PSKH1: variants seen among roughly 807,000 people sequenced by gnomAD.
PSKH1 encodes protein serine kinase H1, also known as serine/threonine-protein kinase H1.
Under a neutral mutation model 26.7 loss-of-function variants are expected in PSKH1, and 12 were observed. The ratio of observed to expected loss-of-function variants is 0.45; its 90% CI spans 0.29 to 0.73. The LOEUF (loss-of-function observed/expected upper bound fraction) is 0.73, where lower values mean the gene tolerates loss of function less well. Among genes scored for constraint, PSKH1 ranks in the 30% least tolerant of loss-of-function variants. The pLI, the probability that PSKH1 is intolerant of heterozygous loss-of-function variation, is 0.11. For missense variants in PSKH1, 431 were observed against 595.2 expected (o/e 0.72, Z 2.87); for synonymous variants, 213 against 234.3 (o/e 0.91, Z 0.83).
chr16:67,928,721 TGCCCATCGTGCACACCC>T lies in PSKH1; in HGVS notation c.*1080_*1096del, dbSNP rs2058227632. On this transcript the variant is annotated 3_prime_UTR_variant, in exon 3 of 3. Coordinates refer to ENST00000291041, the MANE Select transcript of PSKH1 (RefSeq NM_006742.3). This position sits in a 1 kb window ranked among gnomAD's most constrained non-coding sequence, Gnocchi z 4.8. ...TCACTGCACGCCCATCGTGCACACC[TGCCCATCGTGCACACCC>T]ACCCATGGTGCACACCTGTAGTCCT... The T allele has an allele frequency of 6.6e-6, 1 of 152,214 alleles. No homozygotes were observed. The highest frequency in any genetic ancestry group is 1.5e-5 in the Non-Finnish European group (1 of 68,038). 9.4% of individuals were successfully genotyped at this position (152,214 alleles called of 1,614,324 possible).
intron 2 of PSKH1, among the ~76,000 whole-genome samples, chr16:67,910,379 C>T (rs1436202468): frequency 1.3e-5 from 2 of 152,244 alleles, no homozygotes; most frequent in Admixed American, 1.3e-4. Context: ...CCAAGCTAGA[C>T]TGAACATGCC....
chr16:67,909,081 G>T lies in PSKH1; in HGVS notation c.332G>T (p.Arg111Leu). The change falls in exon 2 of 3, where the codon CGA becomes CTA. Residue 111 changes from arginine (R) to leucine (L), a missense_variant. Coordinates refer to ENST00000291041, the MANE Select transcript of PSKH1 (RefSeq NM_006742.3). This position sits in a 1 kb window ranked among gnomAD's most constrained non-coding sequence, Gnocchi z 7.8. ...KALIGRGSFSRVVRVEHRATR... is the reference protein window; with the variant it reads ...KALIGRGSFSLVVRVEHRATR... Reference sequence around the variant, plus strand: ...CTAATTGGCCGAGGCAGCTTCAGCCGAGTGGTACGTGTAGAGCACCGGGCA... The same window carrying T: ...CTAATTGGCCGAGGCAGCTTCAGCCTAGTGGTACGTGTAGAGCACCGGGCA... 1 of 1,614,188 alleles carries T rather than the reference G, an allele frequency of 6.2e-7. No homozygotes were observed. Among genetic ancestry groups the T allele is most frequent in the Non-Finnish European group, 8.5e-7 (1 of 1,180,032 alleles).
rs1555497976 is a variant in PSKH1 at position 67,893,299 on chromosome 16, G to GGCGGCGGCC, written c.-138_-137insGGCCGCGGC. ...GAATGGCGGCGGCGGCGGCGGCGGC[G>GGCGGCGGCC]GCGGCCGCTGCCATTGCCCGGAGAT... On this transcript the variant is annotated 5_prime_UTR_variant, in exon 1 of 3. Transcript: ENST00000291041. 6.1e-5 allele frequency: 10 copies of GGCGGCGGCC among 163,990 alleles called. No individual in the cohort carries two copies. Among genetic ancestry groups the GGCGGCGGCC allele is most frequent in the Admixed American group, 3.9e-4 (6 of 15,500 alleles). The allele number at this position is 163,990 out of a possible 1,614,324, so 10.2% of individuals were successfully genotyped here.
Position 67,908,953 on chromosome 16 carries a change from T to C in PSKH1, c.204T>C (p.Ala68=), listed in dbSNP as rs1041889325. ...YAHPCPGPPT[A]GHTEPPSEPP... is the part of the protein sequence containing the mutation. The stretch of plus-strand genomic sequence containing the variant: ...ACCCCTGCCCCGGTCCCCCGACTGC[T>C]GGCCACACGGAGCCTCCCTCAGAAC... The change falls in exon 2 of 3, where the codon GCT becomes GCC. Residue 68 remains alanine (A), a synonymous_variant. Coordinates refer to ENST00000291041, the MANE Select transcript of PSKH1 (RefSeq NM_006742.3). The C allele has an allele frequency of 1.2e-6, 2 of 1,613,968 alleles. No individual in the cohort carries two copies. Among genetic ancestry groups the C allele is most frequent in the Admixed American group, 1.7e-5 (1 of 59,996 alleles).
chr16:67,898,954 A>G (rs1307924160), intron 1 of PSKH1, among the ~76,000 whole-genome samples: 1 of 152,150 alleles, frequency 6.6e-6, no homozygotes, highest in Non-Finnish European at 1.5e-5. Flanking sequence ...TCAGTAGAAT[A>G]TAGAGATATT....
At chr16:67,897,202 G>A (rs910390385) in intron 1 of PSKH1, among the ~76,000 whole-genome samples, 4 of 152,158 alleles carry the variant, frequency 2.6e-5, no homozygotes, top group African/African-American at 9.7e-5. Flanking sequence ...TCTTGGCATG[G>A]GGAAAAATTT....
chr16:67,917,363 T>G (rs2058190680), intron 2 of PSKH1, among the ~76,000 whole-genome samples: 1 of 152,256 alleles, frequency 6.6e-6, no homozygotes, highest in Non-Finnish European at 1.5e-5. Context: ...GTTGCTGGTT[T>G]CTTGTTTCAG....
At chr16:67,913,415 T>G (rs1385958042) in intron 2 of PSKH1, among the ~76,000 whole-genome samples, 1 of 152,070 alleles carries the variant, frequency 6.6e-6, no homozygotes, top group Non-Finnish European at 1.5e-5. Context: ...CCCAAAGTGC[T>G]GGGGTTACAG....
In PSKH1 at chr16:67,908,782, G is replaced by T; in HGVS notation, c.33G>T (p.Glu11Asp). The change falls in exon 2 of 3, where the codon GAG becomes GAT. Residue 11 changes from glutamate to aspartate, a missense_variant. Coordinates refer to ENST00000291041, the MANE Select transcript of PSKH1 (RefSeq NM_006742.3). ...GTGGGACAAGCAAGGTCCTTCCCGA[G>T]CCACCCAAGGATGTCCAGCTGGATC... MGCGTSKVLP[E>D]PPKDVQLDLV... 2.5e-6 allele frequency: 4 copies of T among 1,600,646 alleles called. No homozygotes were observed. The highest frequency in any genetic ancestry group is 3.4e-6 in the Non-Finnish European group (4 of 1,170,998).
rs369110023 is a variant in PSKH1 at position 67,909,179 on chromosome 16, C to A, written c.430C>A (p.Leu144Met). The A allele has an allele frequency of 5.0e-6, 8 of 1,614,018 alleles. No individual in the cohort carries two copies. In the African/African-American group the frequency reaches 1.1e-4, roughly 22 times the overall value. ...GGGGCGGGAGGTGTGTGAGTCGGAG[C>A]TGCGTGTGCTGCGTCGGGTGCGTCA... The part of the protein sequence containing the change: ...REGREVCESE[L>M]RVLRRVRHAN... Residue 144 changes from leucine to methionine, a missense_variant, in exon 2 of 3, where the codon CTG becomes ATG. Physicochemically the swap from Leu to Met is conservative, Grantham distance 15. Transcript: ENST00000291041. This position sits in a 1 kb window ranked among gnomAD's most constrained non-coding sequence, Gnocchi z 7.8.
At chr16:67,904,728 C>G (rs971274705) in intron 1 of PSKH1, among the ~76,000 whole-genome samples, 3 of 152,222 alleles carry the variant, frequency 2.0e-5, no homozygotes, top group Non-Finnish European at 2.9e-5. Context: ...GCTATCCCCC[C>G]ACCTCAGCCT....
chr16:67,908,567 C>G (rs374625274), intron 1 of PSKH1, 113 bp from the exon 2 acceptor site: 7 of 557,932 alleles, frequency 1.3e-5, no homozygotes, highest in East Asian at 2.8e-5. Context: ...TCACGCCTGG[C>G]CAGGAGTTTG....
chr16:67,904,202 A>AT (rs909411501), intron 1 of PSKH1, among the ~76,000 whole-genome samples: 1 of 146,426 alleles, frequency 6.8e-6, no homozygotes, highest in Non-Finnish European at 1.5e-5. Flanking sequence ...TTGTATTTGT[A>AT]TTTTTTATAT....
intron 2 of PSKH1, among the ~76,000 whole-genome samples, chr16:67,914,677 C>T (rs1199691834): frequency 1.3e-5 from 2 of 152,164 alleles, no homozygotes; most frequent in African/African-American, 4.8e-5. Context: ...TGATCTTAAA[C>T]TCCTGACCTC....
chr16:67,895,410 AT>A (rs569189607), intron 1 of PSKH1, among the ~76,000 whole-genome samples: 205 of 137,900 alleles, frequency 1.5e-3, no homozygotes, highest in Middle Eastern at 7.6e-3. Flanking sequence ...AGGAATCTGT[AT>A]TTTTTTTTTT....
At chr16:67,925,259 G>A (rs961105783) in intron 2 of PSKH1, among the ~76,000 whole-genome samples, 1 of 151,480 alleles carries the variant, frequency 6.6e-6, no homozygotes, top group Non-Finnish European at 1.5e-5. Flanking sequence ...GCAGTGGTGC[G>A]ATCTTGGCTC....
At chr16:67,904,182 A>G (rs1239393793) in intron 1 of PSKH1, among the ~76,000 whole-genome samples, 1 of 150,304 alleles carries the variant, frequency 6.7e-6, no homozygotes, top group Admixed American at 6.7e-5. Flanking sequence ...TGCCTGGCTA[A>G]TTTTTGTATT....
At chr16:67,917,228 C>T (rs2058190353) in intron 2 of PSKH1, among the ~76,000 whole-genome samples, 2 of 152,230 alleles carry the variant, frequency 1.3e-5, no homozygotes, top group African/African-American at 4.8e-5. Context: ...GGTTACATAA[C>T]TTGGCCATGG....
At chr16:67,896,769 A>T (rs943927261) in intron 1 of PSKH1, among the ~76,000 whole-genome samples, 2 of 152,054 alleles carry the variant, frequency 1.3e-5, no homozygotes, top group Admixed American at 1.3e-4. Flanking sequence ...GAATAAGCAT[A>T]TTGTCTAGGT....
Sources: gnomAD v4.1 joint callset for allele counts (sites outside exome capture counted in the v4.1 genomes callset) on GRCh38, gnomAD v4.1.1 for gene constraint, Gnocchi (gnomAD v3.1) non-coding constraint, MANE v1.5 for transcripts, NCBI Gene and HGNC (gene_info 2026-07-23, HGNC 2026-07-21) for gene names.